The following ATP1B1 variants were observed in gnomAD, a reference collection of about 807,000 sequenced individuals.
ATP1B1 encodes the protein ATPase Na+/K+ transporting subunit beta 1.
In ATP1B1, 3 loss-of-function variants were observed where a neutral mutation model predicts 39.6. The ratio of observed to expected loss-of-function variants is 0.08; its 90% CI spans 0.03 to 0.20. The LOEUF (loss-of-function observed/expected upper bound fraction) is 0.20, where lower values mean the gene tolerates loss of function less well. ATP1B1 is among the 10% of genes least tolerant of loss of function. ATP1B1 has a pLI of 1.00. For synonymous variants in ATP1B1, 139 were observed against 135.0 expected, an observed-to-expected ratio of 1.03 and a Z score of -0.20; for missense variants, 216 against 371.1, an observed-to-expected ratio of 0.58 and a Z score of 3.43.
chr1:169,110,159 C>G (rs1055319194), intron 1 of ATP1B1, among the ~76,000 whole-genome samples: 2 of 152,044 alleles, frequency 1.3e-5, no homozygotes, highest in African/African-American at 4.8e-5. Flanking sequence ...TTTCCTTTAA[C>G]TGTTTAGTGC....
chr1:169,108,953 C>G (rs373340249), intron 1 of ATP1B1, among the ~76,000 whole-genome samples: 3 of 152,246 alleles, frequency 2.0e-5, no homozygotes, highest in South Asian at 4.1e-4. Context: ...ATTACCGTCT[C>G]CTACGGAGAA....
chr1:169,122,746 A>ATTTT (rs753882699), intron 2 of ATP1B1, among the ~76,000 whole-genome samples: 11 of 82,390 alleles, frequency 1.3e-4, no homozygotes, highest in Non-Finnish European at 2.0e-4. Flanking sequence ...TTTCAGGATG[A>ATTTT]TTTTTTTTTT....
chr1:169,127,974 G>A (rs1658124370), intron 4 of ATP1B1, among the ~76,000 whole-genome samples: 1 of 152,144 alleles, frequency 6.6e-6, no homozygotes, highest in South Asian at 2.1e-4. Flanking sequence ...TAGCCATGCT[G>A]TTGGCTTTTT....
rs1020686139 is a variant in ATP1B1, at chr1:169,131,815, T to A, written c.*260T>A. 1.2e-4 allele frequency: 55 copies of A among 471,782 alleles called. No homozygotes were observed. Among genetic ancestry groups the A allele is most frequent in the Non-Finnish European group, 1.9e-4 (51 of 268,198 alleles). 29.2% of individuals were successfully genotyped at this position (471,782 alleles called of 1,614,324 possible). A position where few individuals can be genotyped will look rare whatever the true frequency, so the allele number is the denominator to read the frequency against. ...ACGTGCCCATTTTTACTGTAAATTATGATTCCGTAACTGACTTGTAGTAAG... is the reference window on the plus strand; with the variant it reads ...ACGTGCCCATTTTTACTGTAAATTAAGATTCCGTAACTGACTTGTAGTAAG... On this transcript the variant is annotated 3_prime_UTR_variant, in exon 6 of 6. Transcript: ENST00000367815. The surrounding 1 kb of genome is among the most constrained non-coding windows in gnomAD (Gnocchi z 4.4).
intron 2 of ATP1B1, among the ~76,000 whole-genome samples, chr1:169,112,637 G>T (rs567742252): frequency 6.6e-6 from 1 of 152,342 alleles, no homozygotes; most frequent in Admixed American, 6.5e-5. Flanking sequence ...AGGATTCACA[G>T]AGGAAGATCT....
At chr1:169,123,175 C>T (rs946513475) in intron 2 of ATP1B1, among the ~76,000 whole-genome samples, 8 of 152,160 alleles carry the variant, frequency 5.3e-5, no homozygotes, top group African/African-American at 9.7e-5. Context: ...TCGTTAACGT[C>T]GTTGTCTTCA....
At chr1:169,126,381 A>G (rs936628595) in intron 3 of ATP1B1, among the ~76,000 whole-genome samples, 1 of 152,210 alleles carries the variant, frequency 6.6e-6, no homozygotes, top group African/African-American at 2.4e-5. Context: ...GCTATACATT[A>G]ACTTTGAATT....
intron 1 of ATP1B1, chr1:169,107,926 A>T (rs1571217324): frequency 6.6e-6 from 1 of 152,082 alleles, no homozygotes; most frequent in South Asian, 2.1e-4. Flanking sequence ...ATCACCACCA[A>T]CACCACTGGC....
In ATP1B1 at chr1:169,127,839, A is replaced by G. The variant is rs181546400; in HGVS notation, c.567+431A>G. ...AAAAAATTTTAACCCACTTGCATGT[A>G]TAGTCCAGTTTTGGTCCTCTGGAAG... On this transcript the variant is annotated intron_variant, in intron 4 of 5. Transcript: ENST00000367815. Among the ~76,000 whole-genome samples the G allele has an allele frequency of 5.8e-4, 89 of 152,314 alleles. 1 individual carries two copies. The highest frequency in any genetic ancestry group is 2.0e-3 in the African/African-American group (84 of 41,564).
chr1:169,107,913 A>T (rs1657639495), intron 1 of ATP1B1: 1 of 152,354 alleles, frequency 6.6e-6, no homozygotes, highest in Admixed American at 6.6e-5. Flanking sequence ...CATCATCATG[A>T]CCATCACCAC....
intron 1 of ATP1B1, among the ~76,000 whole-genome samples, chr1:169,110,024 A>T (rs985388616): frequency 1.3e-5 from 2 of 151,778 alleles, no homozygotes; most frequent in Admixed American, 6.6e-5. Flanking sequence ...TTTCTTCCTT[A>T]TCTTTACTTC....
intron 1 of ATP1B1, chr1:169,108,035 A>G (rs2101770791): frequency 6.6e-6 from 1 of 152,264 alleles, no homozygotes; most frequent in East Asian, 1.9e-4. Flanking sequence ...AGTCAGGGAA[A>G]TAGTGCTTAG....
chr1:169,120,675 G>A (rs1367915096), intron 2 of ATP1B1, among the ~76,000 whole-genome samples: 1 of 152,196 alleles, frequency 6.6e-6, no homozygotes, highest in Non-Finnish European at 1.5e-5. Context: ...CAAGCAGCCT[G>A]CATCTATGTT....
intron 4 of ATP1B1, 63 bp from the exon 5 acceptor site, chr1:169,129,947 T>C: frequency 1.3e-6 from 2 of 1,543,094 alleles, no homozygotes; most frequent in South Asian, 2.3e-5. Context: ...CGGAGTAGTT[T>C]TATTTTTCAG....
intron 2 of ATP1B1, among the ~76,000 whole-genome samples, chr1:169,120,570 C>T (rs1190134238): frequency 6.6e-6 from 1 of 152,210 alleles, no homozygotes; most frequent in South Asian, 2.1e-4. Flanking sequence ...TCACAGGGTT[C>T]TAAGACTCCG....
intron 2 of ATP1B1, among the ~76,000 whole-genome samples, chr1:169,122,981 C>T (rs528725537): frequency 1.3e-5 from 2 of 152,252 alleles, no homozygotes; most frequent in South Asian, 4.1e-4. Context: ...CTATCCCTTC[C>T]ATTCCTCTAG....
intron 1 of ATP1B1, chr1:169,110,577 T>TTC: frequency 1.0e-6 from 1 of 972,686 alleles, no homozygotes; most frequent in East Asian, 6.5e-5. Flanking sequence ...CTTTTTTTTT[T>TTC]TTTTTTTTTG....
chr1:169,120,271 G>A (rs1214692901), intron 2 of ATP1B1, among the ~76,000 whole-genome samples: 1 of 152,192 alleles, frequency 6.6e-6, no homozygotes, highest in Non-Finnish European at 1.5e-5. Flanking sequence ...GCATGTGTGA[G>A]CTGATTGCAT....
intron 2 of ATP1B1, among the ~76,000 whole-genome samples, chr1:169,114,124 G>A (rs980331987): frequency 3.5e-5 from 4 of 114,980 alleles, no homozygotes; most frequent in Admixed American, 8.0e-5. Flanking sequence ...ATGGCCCTGT[G>A]TTGCCTGAGG....
Sources: gnomAD v4.1 joint callset for allele counts (sites outside exome capture counted in the v4.1 genomes callset) on GRCh38, gnomAD v4.1.1 for gene constraint, Gnocchi (gnomAD v3.1) non-coding constraint, MANE v1.5 for transcripts, NCBI Gene and HGNC (gene_info 2026-07-23, HGNC 2026-07-21) for gene names.